MEPE: variants seen among roughly 807,000 people sequenced by gnomAD.
MEPE encodes matrix, extracellular phosphoglycoprotein with ASARM motif (bone).
A neutral mutation model predicts 7.3 loss-of-function variants in MEPE; 7 were observed. That is an observed-to-expected ratio of 0.95 (90% CI 0.54 to 1.79). MEPE has a LOEUF of 1.79. Ranked by LOEUF, MEPE falls within the 40% of genes most tolerant of loss-of-function variation. MEPE has a pLI of 0.00. For synonymous variants in MEPE, 214 were observed against 213.1 expected (o/e 1.00, Z -0.04); for missense variants, 623 against 628.2 (o/e 0.99, Z 0.09).
rs779744385 is a variant in MEPE at position 87,834,718 on chromosome 4, C to T, written c.4C>T (p.Arg2Ter). Residue 2 changes from arginine to a stop codon, truncating the protein, a stop_gained, in exon 2 of 4, where the codon CGA becomes TGA. Coordinates refer to ENST00000361056, the MANE Select transcript of MEPE (RefSeq NM_020203.6). LOFTEE classifies it high-confidence loss of function. The part of the protein sequence containing the change: M[R>*]VFCVGLLLFS... ...CTTTTTACAGAGATTCTCAAAGATG[C>T]GAGTTTTCTGTGTGGGACTACTCCT... 6 of 1,612,684 alleles carry T rather than the reference C, an allele frequency of 3.7e-6. No individual in the cohort carries two copies. The highest frequency in any genetic ancestry group is 2.2e-5 in the East Asian group (1 of 44,842).
chr4:87,828,004 A>G (rs1722508858), upstream of MEPE, among the ~76,000 whole-genome samples: 1 of 152,236 alleles, frequency 6.6e-6, no homozygotes, highest in South Asian at 2.1e-4. Context: ...TTTTGAGCTT[A>G]GGATGATTAT....
intron 1 of MEPE, among the ~76,000 whole-genome samples, chr4:87,821,895 G>A (rs1004611251): frequency 1.3e-5 from 2 of 152,126 alleles, no homozygotes; most frequent in African/African-American, 4.8e-5. Flanking sequence ...CACACAGACA[G>A]CAGCTGGGCA....
Position 87,844,983 on chromosome 4 carries a change from G to GA in MEPE, c.122dup (p.Asn41LysfsTer21), listed in dbSNP as rs768254676. 6.5e-7 allele frequency: 1 copy of GA among 1,535,844 alleles called. No individual in the cohort carries two copies. Among genetic ancestry groups the GA allele is most frequent in the South Asian group, 1.3e-5 (1 of 76,814 alleles). The stretch of plus-strand genomic sequence containing the variant: ...ATTGAAAATTGTATTTTAGCAGGAA[G>GA]AAAAAAACAAAGACAATATTGGTTT... On this transcript the variant is annotated frameshift_variant, in exon 4 of 4. Transcript: ENST00000361056. LOFTEE classifies it low-confidence loss of function (END_TRUNC).
intron 3 of MEPE, among the ~76,000 whole-genome samples, chr4:87,843,814 C>G (rs1421712727): frequency 3.3e-5 from 5 of 152,186 alleles, no homozygotes; most frequent in Admixed American, 3.3e-4. Context: ...CCAGGTGTGG[C>G]TTACACCGTC....
At position 87,846,444 on chromosome 4, in the gene MEPE, T is replaced by C; in HGVS notation, c.1576T>C (p.Ter526GlnextTer19). The change falls in exon 4 of 4, where the codon TAG becomes CAG. Residue 526 changes from the stop codon to glutamine, a stop_lost. Coordinates refer to ENST00000361056, the MANE Select transcript of MEPE (RefSeq NM_020203.6). ...CAGTTCAAGTGAGAGCGATGGTGAC[T>C]AGTCCACCAGGAGTTCCCAGCGGGG... is the stretch of plus-strand genomic sequence containing the variant. ...SGSSSESDGD[*>Q] 1 of 1,610,934 alleles carries C rather than the reference T, an allele frequency of 6.2e-7. No individual in the cohort carries two copies. Among genetic ancestry groups the C allele is most frequent in the Non-Finnish European group, 8.5e-7 (1 of 1,178,414 alleles).
intron 1 of MEPE, among the ~76,000 whole-genome samples, chr4:87,823,706 T>C (rs999649232): frequency 1.3e-5 from 2 of 152,108 alleles, no homozygotes; most frequent in African/African-American, 4.8e-5. Flanking sequence ...CTTTGAATGA[T>C]GAGGAGAACA....
intron 2 of MEPE, among the ~76,000 whole-genome samples, chr4:87,835,804 G>T (rs761797257): frequency 6.6e-6 from 1 of 152,174 alleles, no homozygotes; most frequent in Non-Finnish European, 1.5e-5. Context: ...GGAAAAATGA[G>T]TCTTGCTGAC....
chr4:87,833,361 G>T (rs140135370), intron 1 of MEPE, among the ~76,000 whole-genome samples: 1 of 152,066 alleles, frequency 6.6e-6, no homozygotes, highest in Non-Finnish European at 1.5e-5. Flanking sequence ...CCTCATCTGT[G>T]TTGATATTTC....
chr4:87,835,208 G>A (rs1233906372), intron 2 of MEPE, among the ~76,000 whole-genome samples: 1 of 152,194 alleles, frequency 6.6e-6, no homozygotes. Flanking sequence ...GAACTCTTCT[G>A]TATTTCTTGC....
chr4:87,845,376 G>A lies in MEPE; in HGVS notation c.508G>A (p.Glu170Lys). 6.2e-7 allele frequency: 1 copy of A among 1,613,888 alleles called. No homozygotes were observed. The highest frequency in any genetic ancestry group is 8.5e-7 in the Non-Finnish European group (1 of 1,179,938). Residue 170 changes from glutamate to lysine, a missense_variant, in exon 4 of 4, where the codon GAG becomes AAG. Glu to Lys is a moderately conservative substitution (Grantham distance 56, BLOSUM62 1). Coordinates refer to ENST00000361056, the MANE Select transcript of MEPE (RefSeq NM_020203.6). ...AIKLLGEENK[E>K]NTPRNVLNII... The stretch of plus-strand genomic sequence containing the variant: ...TAAACTCCTGGGGGAAGAAAACAAA[G>A]AGAACACACCTAGGAATGTTCTAAA...
At chr4:87,827,964 T>C (rs1042605493), upstream of MEPE, among the ~76,000 whole-genome samples, 1 of 152,068 alleles carries the variant, frequency 6.6e-6, no homozygotes, top group Non-Finnish European at 1.5e-5. Flanking sequence ...AGAAAGTTGG[T>C]TGTAAGTGAT....
Position 87,845,231 on chromosome 4 carries a change from T to A in MEPE, c.363T>A (p.Thr121=), listed in dbSNP as rs997464162. ...GLRMSIYPKS[T]GNKGFEDGDD... is the part of the protein sequence containing the mutation. ...GGATGTCAATTTATCCTAAGTCAAC[T>A]GGGAATAAAGGGTTTGAGGATGGAG... Residue 121 remains threonine, a synonymous_variant, in exon 4 of 4, where the codon ACT becomes ACA. Coordinates refer to ENST00000361056, the MANE Select transcript of MEPE (RefSeq NM_020203.6). 5 of 1,613,880 alleles carry A rather than the reference T, an allele frequency of 3.1e-6. No homozygotes were observed. The highest frequency in any genetic ancestry group is 4.2e-6 in the Non-Finnish European group (5 of 1,179,954).
chr4:87,823,537 C>A (rs1250153353), intron 1 of MEPE, among the ~76,000 whole-genome samples: 7 of 152,206 alleles, frequency 4.6e-5, no homozygotes, highest in African/African-American at 1.7e-4. Flanking sequence ...GTAAAACAAA[C>A]AATACTTTTG....
chr4:87,825,727 C>T (rs574545632), intron 1 of MEPE, among the ~76,000 whole-genome samples: 12 of 152,268 alleles, frequency 7.9e-5, no homozygotes, highest in South Asian at 4.1e-4. Context: ...TCTGTACATG[C>T]GCAGGATGTG....
At chr4:87,830,112 T>C (rs1722564023), upstream of MEPE, among the ~76,000 whole-genome samples, 1 of 152,170 alleles carries the variant, frequency 6.6e-6, no homozygotes, top group South Asian at 2.1e-4. Flanking sequence ...TATGCTTGAA[T>C]GGTTGTAAGT....
chr4:87,837,304 C>G (rs997601719), intron 2 of MEPE, among the ~76,000 whole-genome samples: 1 of 152,122 alleles, frequency 6.6e-6, no homozygotes, highest in African/African-American at 2.4e-5. Context: ...GATGCAGCCC[C>G]AAACACGGAG....
upstream of MEPE, among the ~76,000 whole-genome samples, chr4:87,828,744 T>C (rs190201179): frequency 2.6e-5 from 4 of 152,184 alleles, no homozygotes; most frequent in Admixed American, 2.0e-4. Context: ...ATGGAGTACT[T>C]CCTTCCAGAT....
In MEPE at chr4:87,846,358, A is replaced by G; in HGVS notation, c.1490A>G (p.His497Arg). The G allele has an allele frequency of 6.2e-7, 1 of 1,614,144 alleles. No individual in the cohort carries two copies. Among genetic ancestry groups the G allele is most frequent in the South Asian group, 1.1e-5 (1 of 91,084 alleles). ...QGKGSWGRQP[H>R]SNRRFSSRRR... ...AAAGGCTCCTGGGGTAGACAACCCC[A>G]TTCCAACAGGAGGTTTAGTTCCCGT... Residue 497 changes from histidine to arginine, a missense_variant, in exon 4 of 4, where the codon CAT becomes CGT. Coordinates refer to ENST00000361056, the MANE Select transcript of MEPE (RefSeq NM_020203.6).
chr4:87,829,114 A>G (rs999766165), upstream of MEPE, among the ~76,000 whole-genome samples: 1 of 152,172 alleles, frequency 6.6e-6, no homozygotes, highest in African/African-American at 2.4e-5. Context: ...GGGTAGAAGT[A>G]AAAATCTCTA....
Sources: gnomAD v4.1 joint callset for allele counts (sites outside exome capture counted in the v4.1 genomes callset) on GRCh38, gnomAD v4.1.1 for gene constraint, MANE v1.5 for transcripts, NCBI Gene and HGNC (gene_info 2026-07-23, HGNC 2026-07-21) for gene names.